NCKAP1: variants seen among roughly 807,000 people sequenced by gnomAD.
The protein encoded by NCKAP1 is nck-associated protein 1.
NCKAP1 carries 21 observed loss-of-function variants against 151.2 expected under a neutral mutation model. That is an observed-to-expected ratio of 0.14 (90% CI 0.10 to 0.20). The LOEUF (loss-of-function observed/expected upper bound fraction) is 0.20, where lower values mean the gene tolerates loss of function less well. Among genes scored for constraint, NCKAP1 ranks in the 10% least tolerant of loss-of-function variants. The pLI, the probability that NCKAP1 is intolerant of heterozygous loss-of-function variation, is 1.00. For missense variants in NCKAP1, 933 were observed against 1,352.1 expected (o/e 0.69, Z 4.86); for synonymous variants, 484 against 451.8 (o/e 1.07, Z -0.90).
chr2:182,936,249 T>A (rs1193081016), intron 24 of NCKAP1, among the ~76,000 whole-genome samples: 2 of 151,838 alleles, frequency 1.3e-5, no homozygotes, highest in East Asian at 3.9e-4. Flanking sequence ...AGACCCCATC[T>A]CTAAAAAAAA....
chr2:182,936,393 T>C (rs775613873), intron 24 of NCKAP1, among the ~76,000 whole-genome samples: 35 of 152,082 alleles, frequency 2.3e-4, no homozygotes, highest in Non-Finnish European at 2.8e-4. Flanking sequence ...AAAGAAGAAA[T>C]ATAAACAGAA....
chr2:182,955,760 A>T (rs1697311229), intron 20 of NCKAP1, among the ~76,000 whole-genome samples: 1 of 152,162 alleles, frequency 6.6e-6, no homozygotes, highest in Non-Finnish European at 1.5e-5. Flanking sequence ...CACACAGTGT[A>T]CTGGGTTTTT....
chr2:182,999,588 T>C (rs1490648616), intron 6 of NCKAP1, among the ~76,000 whole-genome samples: 2 of 152,178 alleles, frequency 1.3e-5, no homozygotes, highest in Non-Finnish European at 2.9e-5. Flanking sequence ...TGGAAAGCAG[T>C]TTGATGACTT....
At chr2:182,926,072 T>C (rs1027689148) in intron 30 of NCKAP1, among the ~76,000 whole-genome samples, 4 of 152,046 alleles carry the variant, frequency 2.6e-5, no homozygotes, top group East Asian at 1.9e-4. Context: ...CAGGAATATA[T>C]TGAGCACTTT....
chr2:182,923,609 T>C lies in NCKAP1; in HGVS notation c.*2093A>G, dbSNP rs1696586271. The C allele has an allele frequency of 6.6e-6, 1 of 152,158 alleles. No individual in the cohort carries two copies. The highest frequency in any genetic ancestry group is 1.5e-5 in the Non-Finnish European group (1 of 68,036). The allele number at this position is 152,158 out of a possible 1,614,324, so 9.4% of individuals were successfully genotyped here. ...TTAGTTATGGTATCTATAAAGGTAT[T>C]AAAAAGAATATTAAAGACATTTTTT... On this transcript the variant is annotated 3_prime_UTR_variant, in exon 31 of 31. Coordinates refer to ENST00000361354, the MANE Select transcript of NCKAP1 (RefSeq NM_013436.5).
chr2:182,938,016 C>T (rs1418396429), intron 24 of NCKAP1, among the ~76,000 whole-genome samples: 2 of 152,132 alleles, frequency 1.3e-5, no homozygotes, highest in Non-Finnish European at 2.9e-5. Flanking sequence ...TCCAAATGAC[C>T]CCGAGGACTT....
chr2:182,933,227 G>A (rs189514882), intron 26 of NCKAP1, among the ~76,000 whole-genome samples: 1 of 152,066 alleles, frequency 6.6e-6, no homozygotes, highest in African/African-American at 2.4e-5. Context: ...TTTTCAAGTA[G>A]AATAAATTAG....
chr2:182,974,183 C>A (rs1697756302), intron 15 of NCKAP1, among the ~76,000 whole-genome samples: 1 of 148,108 alleles, frequency 6.8e-6, no homozygotes, highest in South Asian at 2.1e-4. Flanking sequence ...TTGTTCTCTA[C>A]TTCTAGTGAA....
chr2:183,028,711 G>A (rs1408501129), intron 1 of NCKAP1, among the ~76,000 whole-genome samples: 2 of 151,942 alleles, frequency 1.3e-5, no homozygotes, highest in Non-Finnish European at 2.9e-5. Flanking sequence ...TAGGTGCCTG[G>A]CACATATGTA....
At chr2:182,948,396 G>A (rs1697149123) in intron 23 of NCKAP1, among the ~76,000 whole-genome samples, 2 of 151,980 alleles carry the variant, frequency 1.3e-5, no homozygotes, top group African/African-American at 4.8e-5. Flanking sequence ...AGTCAACATT[G>A]TTTACAGTCG....
intron 9 of NCKAP1, among the ~76,000 whole-genome samples, chr2:182,988,042 T>C (rs576633100): frequency 2.8e-4 from 43 of 152,350 alleles, no homozygotes; most frequent in African/African-American, 9.9e-4. Context: ...GATGTATGTA[T>C]TTTTCTGTTT....
chr2:182,938,089 C>T (rs566291399), intron 24 of NCKAP1, among the ~76,000 whole-genome samples: 77 of 152,310 alleles, frequency 5.1e-4, no homozygotes, highest in African/African-American at 1.8e-3. Flanking sequence ...TGAGGTGGGG[C>T]CCAATAATTT....
Position 182,941,007 on chromosome 2 carries a change from T to C in NCKAP1, c.2695+1063A>G, listed in dbSNP as rs1426331339. Among the ~76,000 whole-genome samples the C allele has an allele frequency of 2.6e-5, 4 of 152,206 alleles. No homozygotes were observed. The East Asian group carries it at 7.7e-4, about 29-fold the overall frequency. ...TTCTCTAAAGCATTTAAGAGAAAAATGTCAAATATGAAGTATGTTAAATAC... is the reference window on the plus strand; with the variant it reads ...TTCTCTAAAGCATTTAAGAGAAAAACGTCAAATATGAAGTATGTTAAATAC... On this transcript the variant is annotated intron_variant, in intron 24 of 30. Coordinates refer to ENST00000361354, the MANE Select transcript of NCKAP1 (RefSeq NM_013436.5).
At chr2:182,972,440 G>T (rs1441843997) in intron 15 of NCKAP1, among the ~76,000 whole-genome samples, 11 of 152,096 alleles carry the variant, frequency 7.2e-5, no homozygotes, top group Non-Finnish European at 1.2e-4. Flanking sequence ...ACGAGGATGT[G>T]GAGACAGGGG....
chr2:182,918,819 C>T lies in NCKAP1; in HGVS notation c.*6883G>A, dbSNP rs1365726626. 6.6e-6 allele frequency: 1 copy of T among 152,140 alleles called. No homozygotes were observed. The highest frequency in any genetic ancestry group is 1.5e-5 in the Non-Finnish European group (1 of 68,020). The allele number at this position is 152,140 out of a possible 1,614,324, so 9.4% of individuals were successfully genotyped here. On this transcript the variant is annotated 3_prime_UTR_variant, in exon 31 of 31. Transcript: ENST00000361354. ...TCCATGTAAACAAAAACCCACTGTA[C>T]CCTAAAAGCTATTCAAATTTTTAAA...
At chr2:182,983,886 T>C (rs1697993127) in intron 10 of NCKAP1, among the ~76,000 whole-genome samples, 1 of 151,796 alleles carries the variant, frequency 6.6e-6, no homozygotes, top group South Asian at 2.1e-4. Context: ...TACAAAACAT[T>C]AGCCAGGTGT....
chr2:182,984,569 G>GTGTGTGTGTGTGTGTGTGTGTGTGTGTGT (rs1293735343), intron 10 of NCKAP1, among the ~76,000 whole-genome samples: 10 of 151,992 alleles, frequency 6.6e-5, no homozygotes, highest in Non-Finnish European at 1.2e-4. Flanking sequence ...CATGACCTTA[G>GTGTGTGTGTGTGTGTGTGTGTGTGTGTGT]GTTCCAACTC....
At position 183,002,002 on chromosome 2, in the gene NCKAP1, T is replaced by C. The variant is rs1209272462; in HGVS notation, c.554A>G (p.Tyr185Cys). 2 of 1,613,898 alleles carry C rather than the reference T, an allele frequency of 1.2e-6. No individual in the cohort carries two copies. Among genetic ancestry groups the C allele is most frequent in the Non-Finnish European group, 8.5e-7 (1 of 1,179,866 alleles). The change falls in exon 6 of 31, where the codon TAT (tyrosine) becomes TGT (cysteine). Residue 185 changes from tyrosine (Y) to cysteine (C), a missense_variant. This residue lies in a region of NCKAP1 where 607 missense variants were observed against 795.0 expected (regional missense o/e 0.76). Transcript: ENST00000361354. Reference sequence around the variant, plus strand: ...CATCATCTTCTTTAAAGGGTTTTCATAATCCACAATCATCTGGCCAAGGCG... The same window carrying C: ...CATCATCTTCTTTAAAGGGTTTTCACAATCCACAATCATCTGGCCAAGGCG... ...YPRLGQMIVDYENPLKKMMEE... is the reference protein window; with the variant it reads ...YPRLGQMIVDCENPLKKMMEE...
intron 2 of NCKAP1, among the ~76,000 whole-genome samples, chr2:183,019,433 T>A (rs533366381): frequency 3.3e-5 from 5 of 152,266 alleles, no homozygotes; most frequent in Non-Finnish European, 7.4e-5. Flanking sequence ...GCCTTTTAGG[T>A]TTCCTGAGCC....
Sources: allele counts gnomAD v4.1 joint callset (sites outside exome capture counted in the v4.1 genomes callset), GRCh38; gene constraint gnomAD v4.1.1; regional missense constraint gnomAD v4.1.1; transcripts MANE v1.5; gene names NCBI Gene and HGNC (gene_info 2026-07-23, HGNC 2026-07-21).